The following EVPL variants were observed in gnomAD, a reference collection of about 807,000 sequenced individuals.
EVPL encodes the protein envoplakin.
EVPL carries 94 observed loss-of-function variants against 129.7 expected under a neutral mutation model. The observed-to-expected ratio is 0.72, with a 90% CI of 0.61 to 0.86. The LOEUF (loss-of-function observed/expected upper bound fraction) is 0.86, where lower values mean the gene tolerates loss of function less well. Among genes scored for constraint, EVPL ranks in the 40% least tolerant of loss-of-function variants. EVPL has a pLI of 0.00. For missense variants in EVPL, 2,625 were observed against 2,721.1 expected (o/e 0.96, Z 0.79); for synonymous variants, 1,172 against 1,191.1 (o/e 0.98, Z 0.33).
At position 76,014,482 on chromosome 17, in the gene EVPL, G is replaced by A. The variant is rs112359764; in HGVS notation, c.2317C>T (p.Gln773Ter). Reference protein sequence around the residue: ...SSWLEHLPRSQVRPSDGPSQI... With the variant: ...SSWLEHLPRS ...CTGGGGCCGTCGCTGGGCCGCACCT[G>A]GCTGCGGGGCAGGTGCTCCAGCCAG... is the stretch of plus-strand genomic sequence containing the variant. The change falls in exon 18 of 22, where the codon CAG becomes TAG. Residue 773 changes from glutamine to a stop codon, truncating the protein, a stop_gained. Transcript: ENST00000301607. LOFTEE classifies it high-confidence loss of function. 6.2e-7 allele frequency: 1 copy of A among 1,611,916 alleles called. No individual in the cohort carries two copies. Among genetic ancestry groups the A allele is most frequent in the African/African-American group, 1.3e-5 (1 of 74,900 alleles).
At position 76,007,739 on chromosome 17, in the gene EVPL, A is replaced by G. The variant is rs200459937; in HGVS notation, c.5466T>C (p.Asp1822=). Residue 1822 remains aspartate, a synonymous_variant, in exon 22 of 22, where the codon GAT becomes GAC. Coordinates refer to ENST00000301607, the MANE Select transcript of EVPL (RefSeq NM_001988.4). This position sits in a 1 kb window ranked among gnomAD's most constrained non-coding sequence, Gnocchi z 8.8. ...FSPSFSLGLG[D]DSFPIAGIYD... ...AGATCCCGGCGATAGGGAAGCTGTC[A>G]TCACCGAGCCCGAGAGAGAAGCTGG... 9 of 1,613,008 alleles carry G rather than the reference A, an allele frequency of 5.6e-6. No individual in the cohort carries two copies. The highest frequency in any genetic ancestry group is 1.6e-4 in the Middle Eastern group (1 of 6,078).
At chr17:76,025,522 G>A (rs751589300) in intron 1 of EVPL, among the ~76,000 whole-genome samples, 15 of 152,190 alleles carry the variant, frequency 9.9e-5, no homozygotes, top group East Asian at 1.9e-4. Flanking sequence ...GGCCCTGGGC[G>A]CCCCTCCTCA....
In EVPL at chr17:76,009,514, C is replaced by T. The variant is rs1167944178; in HGVS notation, c.3691G>A (p.Val1231Met). The T allele has an allele frequency of 2.5e-6, 4 of 1,614,074 alleles. No homozygotes were observed. Among genetic ancestry groups the T allele is most frequent in the African/African-American group, 2.7e-5 (2 of 75,048 alleles). ...AGKRSGVEKE[V>M]EKLLPDLEVL... The stretch of plus-strand genomic sequence containing the variant: ...TCCAGGTCGGGCAGCAGCTTCTCCA[C>T]CTCCTTCTCCACACCGCTCCTCTTG... The change falls in exon 22 of 22, where the codon GTG becomes ATG. Residue 1231 changes from valine (V) to methionine (M), a missense_variant. Val to Met is a conservative substitution (Grantham distance 21). Coordinates refer to ENST00000301607, the MANE Select transcript of EVPL (RefSeq NM_001988.4). The surrounding 1 kb of genome is among the most constrained non-coding windows in gnomAD (Gnocchi z 5.9).
In EVPL at chr17:76,021,767, G is replaced by A. The variant is rs776124869; in HGVS notation, c.822C>T (p.His274=). 2.5e-6 allele frequency: 4 copies of A among 1,607,322 alleles called. No individual in the cohort carries two copies. The East Asian group carries it at 6.7e-5, about 27-fold the overall frequency. ...CGCTCTGCTCCTGGCTCAGCAGCTC[G>A]TGCTGCTTGAAGTGCTGGGGGCGAG... ...VRREYEHFKQ[H]ELLSQEQSVN... The change falls in exon 8 of 22, where the codon CAC becomes CAT. Residue 274 remains histidine (H), a synonymous_variant. Transcript: ENST00000301607.
chr17:76,014,340 G>A (rs2144414245), intron 18 of EVPL, 86 bp downstream of exon 18: 7 of 1,486,518 alleles, frequency 4.7e-6, no homozygotes, highest in African/African-American at 4.3e-5. Context: ...CCGTGGCCTG[G>A]GCTTTGAAGC....
At position 76,024,215 on chromosome 17, in the gene EVPL, G is replaced by A; in HGVS notation, c.99-95C>T. On this transcript the variant is annotated intron_variant, in intron 1 of 21. Coordinates refer to ENST00000301607, the MANE Select transcript of EVPL (RefSeq NM_001988.4). This position sits in a 1 kb window ranked among gnomAD's most constrained non-coding sequence, Gnocchi z 4.5. The stretch of plus-strand genomic sequence containing the variant: ...CCCTGCCCTCCCTCCACCCCATCCT[G>A]CCCCCACAGCCTAGCTCACTGCCCT... 1 of 1,148,820 alleles carries A rather than the reference G, an allele frequency of 8.7e-7. No individual in the cohort carries two copies. Among genetic ancestry groups the A allele is most frequent in the Non-Finnish European group, 1.3e-6 (1 of 787,086 alleles). The allele number at this position is 1,148,820 out of a possible 1,614,324, so 71.2% of individuals were successfully genotyped here. A position where few individuals can be genotyped will look rare whatever the true frequency, so the allele number is the denominator to read the frequency against.
At position 76,018,177 on chromosome 17, in the gene EVPL, AAG is replaced by A. The variant is rs756826388; in HGVS notation, c.1519_1520del (p.Leu507SerfsTer63). The stretch of plus-strand genomic sequence containing the variant: ...CCTGGGTACCCTGCTGGCTGGGCCG[AAG>A]AGACTCCACAGCACTGGCCTTCAGG... Reference protein sequence around the residue: ...SRLKASAVESLRPSQQAPSGS... With the variant: ...SRLKASAVESXRPSQQAPSGS... On this transcript the variant is annotated frameshift_variant, in exon 13 of 22. Coordinates refer to ENST00000301607, the MANE Select transcript of EVPL (RefSeq NM_001988.4). LOFTEE classifies it high-confidence loss of function. 17 of 1,550,896 alleles carry A rather than the reference AAG, an allele frequency of 1.1e-5. No homozygotes were observed. In the Admixed American group the frequency reaches 1.6e-4, roughly 14 times the overall value.
At position 76,018,600 on chromosome 17, in the gene EVPL, C is replaced by T. The variant is rs541530546; in HGVS notation, c.1285G>A (p.Val429Met). 50 of 1,594,980 alleles carry T rather than the reference C, an allele frequency of 3.1e-5. No individual in the cohort carries two copies. The highest frequency in any genetic ancestry group is 6.7e-5 in the African/African-American group (5 of 74,344). ...TACCGCTCACCCTGCAGCAGCTGCACCTGGGGGCACAGAAAGGGAGCAGCT... is the reference window on the plus strand; with the variant it reads ...TACCGCTCACCCTGCAGCAGCTGCATCTGGGGGCACAGAAAGGGAGCAGCT... ...DSICDWDSGE[V>M]QLLQGERYKL... The change falls in exon 12 of 22, where the codon GTG becomes ATG. Residue 429 changes from valine to methionine, a missense_variant and splice_region_variant. Val to Met is a conservative substitution (Grantham distance 21). This residue lies in a region of EVPL where 1,024 missense variants were observed against 997.5 expected (regional missense o/e 1.03). Coordinates refer to ENST00000301607, the MANE Select transcript of EVPL (RefSeq NM_001988.4).
intron 17 of EVPL, among the ~76,000 whole-genome samples, 155 bp downstream of exon 17, chr17:76,014,761 C>T (rs887292976): frequency 6.6e-6 from 1 of 152,180 alleles, no homozygotes; most frequent in Non-Finnish European, 1.5e-5. Flanking sequence ...CCAGGCACCA[C>T]CCTGGGAGGT....
At chr17:76,014,393 G>A (rs1291554410) in intron 18 of EVPL, 33 bp downstream of exon 18, 3 of 1,590,146 alleles carry the variant, frequency 1.9e-6, no homozygotes, top group Non-Finnish European at 2.6e-6. Context: ...GGGGCCACAT[G>A]GGCACAGGCA....
chr17:76,026,026 C>G (rs11656994), intron 1 of EVPL, among the ~76,000 whole-genome samples: 1 of 152,366 alleles, frequency 6.6e-6, no homozygotes, highest in South Asian at 2.1e-4. Flanking sequence ...ACTGCAGCCT[C>G]GACTTCCCGG....
At chr17:76,025,701 C>T (rs1356450382) in intron 1 of EVPL, among the ~76,000 whole-genome samples, 3 of 152,216 alleles carry the variant, frequency 2.0e-5, no homozygotes, top group African/African-American at 7.2e-5. Context: ...CTGTTGGTGC[C>T]TTGATCCCTA....
Position 76,015,381 on chromosome 17 carries a change from C to T in EVPL, c.1890-16G>A, listed in dbSNP as rs1283801984. 6.2e-7 allele frequency: 1 copy of T among 1,602,828 alleles called. No individual in the cohort carries two copies. The highest frequency in any genetic ancestry group is 1.7e-5 in the Admixed American group (1 of 59,450). ...AGCCTTGGCTCTGCCGCAGAGGAGG[C>T]AAGGCTCAGACACTCCCTGGGCCAC... is the stretch of plus-strand genomic sequence containing the variant. On this transcript the variant is annotated splice_polypyrimidine_tract_variant and intron_variant, in intron 15 of 21. Transcript: ENST00000301607.
At position 76,025,566 on chromosome 17, in the gene EVPL, GAGC is replaced by G. The variant is rs2066492832; in HGVS notation, c.99-1449_99-1447del. Among the ~76,000 whole-genome samples, 5 of 152,320 alleles carry G rather than the reference GAGC, an allele frequency of 3.3e-5. No individual in the cohort carries two copies. The South Asian group carries it at 1.0e-3, about 32-fold the overall frequency. ...CTCCTGGGATGGCTGCTCCCACCGG[GAGC>G]TGCACACTCCACCCTGGGTGGGGCT... On this transcript the variant is annotated intron_variant, in intron 1 of 21. Transcript: ENST00000301607.
chr17:76,016,307 CA>C (rs1241862542), intron 14 of EVPL, among the ~76,000 whole-genome samples: 1 of 152,194 alleles, frequency 6.6e-6, no homozygotes, highest in African/African-American at 2.4e-5. Context: ...TCGCTCCAGC[CA>C]AAGCCCTGGC....
intron 1 of EVPL, among the ~76,000 whole-genome samples, chr17:76,025,201 T>C (rs939457092): frequency 6.6e-6 from 1 of 152,270 alleles, no homozygotes; most frequent in Non-Finnish European, 1.5e-5. Flanking sequence ...AGGGCTATTG[T>C]GAGCATTAAT....
chr17:76,015,147 C>T (rs1052618855), intron 16 of EVPL, 38 bp from the exon 17 acceptor site: 1 of 1,562,844 alleles, frequency 6.4e-7, no homozygotes, highest in Non-Finnish European at 8.7e-7. Flanking sequence ...ACCCTCGTGG[C>T]TGGGGAGACG....
In EVPL at chr17:76,015,757, G is replaced by T. The variant is rs570429234; in HGVS notation, c.1711-129C>A. 3.7e-5 allele frequency: 35 copies of T among 955,902 alleles called. 1 individual carries two copies. The highest frequency in any genetic ancestry group is 5.2e-5 in the Non-Finnish European group (34 of 655,048). The allele number at this position is 955,902 out of a possible 1,614,324, so 59.2% of individuals were successfully genotyped here. On this transcript the variant is annotated intron_variant, in intron 14 of 21. Coordinates refer to ENST00000301607, the MANE Select transcript of EVPL (RefSeq NM_001988.4). ...GGTACATGCTTGGGCTCAGGCCAGA[G>T]AACTGCGTTCAGTCCTGGCGCTACT...
rs2066488808 is a variant in EVPL, at chr17:76,024,963, T to G, written c.99-843A>C. Among the ~76,000 whole-genome samples, 1 of 152,212 alleles carries G rather than the reference T, an allele frequency of 6.6e-6. No individual in the cohort carries two copies. Among genetic ancestry groups the G allele is most frequent in the African/African-American group, 2.4e-5 (1 of 41,460 alleles). On this transcript the variant is annotated intron_variant, in intron 1 of 21. Transcript: ENST00000301607. The surrounding 1 kb of genome is among the most constrained non-coding windows in gnomAD (Gnocchi z 4.5). ...AGTGCCTTATGGGGGATCATTATGCTGGGGCAGGAGAAGCCTTGAACTGGG... is the reference window on the plus strand; with the variant it reads ...AGTGCCTTATGGGGGATCATTATGCGGGGGCAGGAGAAGCCTTGAACTGGG...
Sources: allele counts gnomAD v4.1 joint callset (sites outside exome capture counted in the v4.1 genomes callset), GRCh38; gene constraint gnomAD v4.1.1; regional missense constraint gnomAD v4.1.1; non-coding constraint Gnocchi (gnomAD v3.1); transcripts MANE v1.5; gene names NCBI Gene and HGNC (gene_info 2026-07-23, HGNC 2026-07-21).